STPG2: variants seen among roughly 807,000 people sequenced by gnomAD.
STPG2 encodes sperm-tail PG-rich repeat-containing protein 2.
A neutral mutation model predicts 54.2 loss-of-function variants in STPG2; 56 were observed. The observed-to-expected ratio is 1.03, with a 90% CI of 0.83 to 1.29. The LOEUF (loss-of-function observed/expected upper bound fraction) is 1.29, where lower values mean the gene tolerates loss of function less well. STPG2 is among the 50% of genes most tolerant of loss of function. The probability of loss-of-function intolerance (pLI) is 0.00; values close to 1 mark genes in which losing one functional copy is unlikely to be tolerated. For synonymous variants in STPG2, 200 were observed against 181.8 expected, an observed-to-expected ratio of 1.10 and a Z score of -0.81; for missense variants, 596 against 544.9, an observed-to-expected ratio of 1.09 and a Z score of -0.93.
chr4:97,565,902 G>A (rs1240123619), intron 10 of STPG2, among the ~76,000 whole-genome samples: 1 of 152,206 alleles, frequency 6.6e-6, no homozygotes, highest in African/African-American at 2.4e-5. Flanking sequence ...CCCACTTGAG[G>A]AGGCAGTCTG....
chr4:98,062,311 G>C (rs990997416), intron 5 of STPG2, among the ~76,000 whole-genome samples: 2 of 152,128 alleles, frequency 1.3e-5, no homozygotes, highest in African/African-American at 4.8e-5. Context: ...GTGGAGGGTG[G>C]GAGGAGGGAA....
chr4:97,731,751 A>T (rs1578514859), intron 9 of STPG2, among the ~76,000 whole-genome samples: 1 of 151,924 alleles, frequency 6.6e-6, no homozygotes, highest in African/African-American at 2.4e-5. Context: ...CCTGGGACTC[A>T]CTCTTCTCAG....
intron 4 of STPG2, among the ~76,000 whole-genome samples, chr4:97,487,938 G>C (rs193037029): frequency 2.0e-5 from 3 of 151,260 alleles, no homozygotes; most frequent in Non-Finnish European, 4.4e-5. Context: ...CAAAATTAGA[G>C]AAAATACATG....
At chr4:97,520,971 T>A (rs1302196934) in intron 4 of STPG2, among the ~76,000 whole-genome samples, 1 of 152,024 alleles carries the variant, frequency 6.6e-6, no homozygotes, top group Non-Finnish European at 1.5e-5. Flanking sequence ...GTCAAATTTT[T>A]CTTTAAAACA....
intron 9 of STPG2, among the ~76,000 whole-genome samples, chr4:97,713,099 G>A (rs1160569137): frequency 2.0e-5 from 3 of 152,152 alleles, no homozygotes; most frequent in African/African-American, 7.2e-5. Context: ...GAATGAAGAT[G>A]CTTAACTCTT....
intron 5 of STPG2, among the ~76,000 whole-genome samples, chr4:98,033,138 C>T (rs1464092384): frequency 6.6e-6 from 1 of 150,740 alleles, no homozygotes; most frequent in African/African-American, 2.4e-5. Flanking sequence ...CAAAAAAAAC[C>T]CTTCAAAAAA....
chr4:97,753,745 G>A (rs1725651366), intron 9 of STPG2, among the ~76,000 whole-genome samples: 1 of 151,898 alleles, frequency 6.6e-6, no homozygotes, highest in Non-Finnish European at 1.5e-5. Flanking sequence ...CTCATTGTGT[G>A]TTTCCCTAAA....
At chr4:97,534,981 C>G (rs1731496095) in intron 4 of STPG2, among the ~76,000 whole-genome samples, 1 of 152,088 alleles carries the variant, frequency 6.6e-6, no homozygotes, top group Non-Finnish European at 1.5e-5. Flanking sequence ...GAATACTTTT[C>G]TATTTGATGA....
intron 9 of STPG2, among the ~76,000 whole-genome samples, chr4:97,723,333 G>A (rs746133784): frequency 7.2e-5 from 11 of 151,982 alleles, no homozygotes; most frequent in Non-Finnish European, 1.5e-4. Context: ...CCAAAAGGGG[G>A]GAGGGAGGGG....
intron 9 of STPG2, among the ~76,000 whole-genome samples, chr4:97,778,180 C>T (rs536708706): frequency 6.6e-6 from 1 of 152,252 alleles, no homozygotes; most frequent in Admixed American, 6.5e-5. Flanking sequence ...GAAGGGGTGA[C>T]AGACAGCACC....
intron 8 of STPG2, among the ~76,000 whole-genome samples, chr4:97,924,784 T>A (rs966251370): frequency 1.3e-5 from 2 of 152,222 alleles, no homozygotes; most frequent in African/African-American, 4.8e-5. Flanking sequence ...AGATAAGTCA[T>A]GTTTGCATCA....
At chr4:98,038,427 T>A (rs75667215) in intron 5 of STPG2, among the ~76,000 whole-genome samples, 5,749 of 152,178 alleles carry the variant, frequency 0.038, 158 homozygotes, top group Middle Eastern at 0.068. Flanking sequence ...TTTATTTTAT[T>A]TCATTTACTA....
At chr4:98,082,239 T>G (rs1367661445) in intron 5 of STPG2, among the ~76,000 whole-genome samples, 4 of 151,948 alleles carry the variant, frequency 2.6e-5, no homozygotes, top group Non-Finnish European at 4.4e-5. Flanking sequence ...CCAGGATACA[T>G]CTCGGTTTAG....
chr4:97,461,186 C>G (rs1401180710), intron 4 of STPG2, among the ~76,000 whole-genome samples: 20 of 152,092 alleles, frequency 1.3e-4, no homozygotes, highest in Admixed American at 1.3e-3. Context: ...CAGAATCTAC[C>G]AAGTAAAGCA....
At chr4:97,498,904 G>GA (rs1730665107) in intron 4 of STPG2, among the ~76,000 whole-genome samples, 1 of 151,856 alleles carries the variant, frequency 6.6e-6, no homozygotes, top group Non-Finnish European at 1.5e-5. Context: ...TATGCAGCCA[G>GA]AAAAAGTAGA....
chr4:97,901,061 T>C (rs1298394085), intron 8 of STPG2, among the ~76,000 whole-genome samples: 1 of 152,032 alleles, frequency 6.6e-6, no homozygotes, highest in African/African-American at 2.4e-5. Context: ...GCAATTGTCC[T>C]TGTAACATAT....
intron 1 of STPG2, among the ~76,000 whole-genome samples, chr4:98,136,372 ATTAGT>A (rs1380303469): frequency 1.5e-4 from 23 of 151,728 alleles, no homozygotes; most frequent in Non-Finnish European, 3.0e-4. Flanking sequence ...AATAGCATAG[ATTAGT>A]TTAGCTTAAC....
chr4:97,688,709 C>T (rs1313815869), intron 10 of STPG2, among the ~76,000 whole-genome samples: 24 of 152,044 alleles, frequency 1.6e-4, no homozygotes, highest in Admixed American at 1.6e-3. Flanking sequence ...GATCTTTCAG[C>T]AGTCAAATGA....
intron 8 of STPG2, among the ~76,000 whole-genome samples, chr4:97,939,314 G>A (rs1271979094): frequency 6.4e-5 from 3 of 46,966 alleles, no homozygotes; most frequent in African/African-American, 2.1e-4. Context: ...GTTCTGAAAA[G>A]GTCTATCAGA....
Sources: gnomAD v4.1 joint callset for allele counts (sites outside exome capture counted in the v4.1 genomes callset) on GRCh38, gnomAD v4.1.1 for gene constraint, MANE v1.5 for transcripts, NCBI Gene and HGNC (gene_info 2026-07-23, HGNC 2026-07-21) for gene names.